ELAPOR2: variants seen among roughly 807,000 people sequenced by gnomAD.
ELAPOR2 encodes endosome-lysosome associated apoptosis and autophagy regulator family member 2.
A neutral mutation model predicts 120.7 loss-of-function variants in ELAPOR2; 89 were observed. That is an observed-to-expected ratio of 0.74 (90% CI 0.62 to 0.88). ELAPOR2 has a LOEUF of 0.88. Ranked by LOEUF, ELAPOR2 falls within the 40% of genes least tolerant of loss-of-function variation. ELAPOR2 has a pLI of 0.00. For synonymous variants in ELAPOR2, 444 were observed against 444.9 expected, an observed-to-expected ratio of 1.00 and a Z score of 0.03; for missense variants, 1,134 against 1,251.6, an observed-to-expected ratio of 0.91 and a Z score of 1.42.
intron 1 of ELAPOR2, among the ~76,000 whole-genome samples, chr7:87,011,341 A>G (rs1337549046): frequency 6.6e-6 from 1 of 152,156 alleles, no homozygotes; most frequent in Non-Finnish European, 1.5e-5. Context: ...TGCATTAAAC[A>G]AAGTAATAAA....
At chr7:86,968,525 C>A (rs1262372910) in intron 1 of ELAPOR2, among the ~76,000 whole-genome samples, 1 of 152,126 alleles carries the variant, frequency 6.6e-6, no homozygotes, top group Non-Finnish European at 1.5e-5. Context: ...AATACATTTT[C>A]ATTTCTATGG....
chr7:86,995,365 T>C (rs1793088826), intron 1 of ELAPOR2, among the ~76,000 whole-genome samples: 1 of 152,188 alleles, frequency 6.6e-6, no homozygotes, highest in Non-Finnish European at 1.5e-5. Flanking sequence ...ACTTTATTTA[T>C]AAGAACAGGT....
chr7:86,988,607 C>T lies in ELAPOR2; in HGVS notation c.190-23583G>A, dbSNP rs113792635. ...CCAATCCCCTACAGATACTGAGAAA[C>T]AAGTGTATCCTAGGCAGTACAACGA... On this transcript the variant is annotated intron_variant, in intron 1 of 21. Coordinates refer to ENST00000450689, the MANE Select transcript of ELAPOR2 (RefSeq NM_001142749.3). Among the ~76,000 whole-genome samples the T allele has an allele frequency of 5.5e-3, 840 of 152,266 alleles. 10 individuals carry two copies. The highest frequency in any genetic ancestry group is 0.019 in the African/African-American group (798 of 41,550).
chr7:86,910,901 C>T (rs750268248), intron 15 of ELAPOR2, among the ~76,000 whole-genome samples: 1 of 151,938 alleles, frequency 6.6e-6, no homozygotes, highest in Non-Finnish European at 1.5e-5. Flanking sequence ...GGCCTTCTGA[C>T]AATAGGCCTT....
chr7:86,930,351 T>C (rs1415618390), intron 8 of ELAPOR2, among the ~76,000 whole-genome samples: 1 of 151,954 alleles, frequency 6.6e-6, no homozygotes, highest in Non-Finnish European at 1.5e-5. Flanking sequence ...TCTGAGACAT[T>C]CCATGTTCTC....
chr7:86,889,367 C>G (rs1222171467), intron 21 of ELAPOR2, among the ~76,000 whole-genome samples: 1 of 151,966 alleles, frequency 6.6e-6, no homozygotes, highest in South Asian at 2.1e-4. Context: ...ATCAGAGATA[C>G]AGTACCCCCC....
intron 4 of ELAPOR2, among the ~76,000 whole-genome samples, chr7:86,943,919 G>A (rs918004353): frequency 6.6e-6 from 1 of 151,996 alleles, no homozygotes; most frequent in Non-Finnish European, 1.5e-5. Context: ...GTGCCGGAAG[G>A]TTCACTTAAT....
chr7:87,033,336 G>A lies in ELAPOR2; in HGVS notation c.189+25989C>T, dbSNP rs906425943. ...AATGGAACTTGTTATCAAAAAAATC[G>A]AAGATAATTAACTGACAAAACGTTA... On this transcript the variant is annotated intron_variant, in intron 1 of 21. Coordinates refer to ENST00000450689, the MANE Select transcript of ELAPOR2 (RefSeq NM_001142749.3). Among the ~76,000 whole-genome samples the A allele has an allele frequency of 1.2e-4, 18 of 152,194 alleles. No homozygotes were observed. In the East Asian group the frequency reaches 1.5e-3, roughly 13 times the overall value.
chr7:86,945,179 A>T, intron 3 of ELAPOR2, 133 bp from the exon 4 acceptor site: 1 of 690,358 alleles, frequency 1.4e-6, no homozygotes, highest in Non-Finnish European at 2.3e-6. Context: ...GCTTTTCCAG[A>T]CTCAAAGGCC....
At chr7:87,016,465 C>A (rs1410425041) in intron 1 of ELAPOR2, among the ~76,000 whole-genome samples, 1 of 151,364 alleles carries the variant, frequency 6.6e-6, no homozygotes, top group Non-Finnish European at 1.5e-5. Flanking sequence ...AGTCCATTTC[C>A]AGTGCTCTTA....
intron 1 of ELAPOR2, among the ~76,000 whole-genome samples, chr7:86,972,488 C>T (rs181336377): frequency 5.1e-4 from 77 of 152,028 alleles, no homozygotes; most frequent in Admixed American, 3.2e-3. Context: ...GAATGTAAAC[C>T]TTTCAGTTTC....
chr7:86,923,186 C>T (rs768258149), intron 10 of ELAPOR2, among the ~76,000 whole-genome samples: 78 of 151,738 alleles, frequency 5.1e-4, no homozygotes, highest in Middle Eastern at 6.8e-3. Flanking sequence ...AGTTAATGGG[C>T]GCAAAAATAC....
chr7:86,908,646 C>A, intron 16 of ELAPOR2, 103 bp from the exon 17 acceptor site: 1 of 549,496 alleles, frequency 1.8e-6, no homozygotes, highest in Non-Finnish European at 3.1e-6. Flanking sequence ...TGTCATTTTA[C>A]AATATTTACA....
intron 12 of ELAPOR2, among the ~76,000 whole-genome samples, chr7:86,917,277 A>G (rs1451486923): frequency 6.6e-6 from 1 of 151,944 alleles, no homozygotes; most frequent in African/African-American, 2.4e-5. Flanking sequence ...AAAATTAGCT[A>G]GACGTATGGG....
At chr7:86,889,380 C>T (rs1799846028) in intron 21 of ELAPOR2, among the ~76,000 whole-genome samples, 1 of 151,276 alleles carries the variant, frequency 6.6e-6, no homozygotes, top group South Asian at 2.1e-4. Flanking sequence ...TACCCCCCAC[C>T]CTATTCCCAG....
chr7:87,014,027 CTTTTTTT>C (rs35583728), intron 1 of ELAPOR2, among the ~76,000 whole-genome samples: 27 of 122,456 alleles, frequency 2.2e-4, no homozygotes, highest in Admixed American at 1.8e-3. Flanking sequence ...ATGTTTTTCA[CTTTTTTT>C]TTTTTTTTTT....
In ELAPOR2 at chr7:86,902,453, G is replaced by A. The variant is rs147596297; in HGVS notation, c.2559-4821C>T. ...GGCCTCCCAGATTGCTGGGATTACA[G>A]GCGTAAGCCACTGCGCCAGGCCTGG... On this transcript the variant is annotated intron_variant, in intron 18 of 21. Transcript: ENST00000450689. Among the ~76,000 whole-genome samples, 162 of 152,320 alleles carry A rather than the reference G, an allele frequency of 1.1e-3. 1 individual carries two copies. The highest frequency in any genetic ancestry group is 3.7e-3 in the African/African-American group (152 of 41,568).
intron 1 of ELAPOR2, among the ~76,000 whole-genome samples, chr7:87,034,639 T>C (rs1794525178): frequency 6.6e-6 from 1 of 152,140 alleles, no homozygotes; most frequent in Admixed American, 6.6e-5. Context: ...ATTATTTATA[T>C]GCCTAAGAAT....
Position 86,905,384 on chromosome 7 carries a change from G to A in ELAPOR2, c.2558+2286C>T, listed in dbSNP as rs73196616. On this transcript the variant is annotated intron_variant, in intron 18 of 21. Transcript: ENST00000450689. ...AATTTCAGGAAAGCTGCTGTTTCTC[G>A]TGTTCTGATCTCCGAGCTCCCCCTT... 1.3e-3 allele frequency among the ~76,000 whole-genome samples: 198 copies of A among 151,500 alleles called. 1 individual carries two copies. Among genetic ancestry groups the A allele is most frequent in the Middle Eastern group, 3.4e-3 (1 of 294 alleles).
Sources: gnomAD v4.1 joint callset for allele counts (sites outside exome capture counted in the v4.1 genomes callset) on GRCh38, gnomAD v4.1.1 for gene constraint, MANE v1.5 for transcripts, NCBI Gene and HGNC (gene_info 2026-07-23, HGNC 2026-07-21) for gene names.